SYDE2: variants seen among roughly 807,000 people sequenced by gnomAD.
SYDE2 encodes the protein synapse defective Rho GTPase homolog 2, also known as rho GTPase-activating protein SYDE2.
SYDE2 carries 76 observed loss-of-function variants against 91.5 expected under a neutral mutation model. The ratio of observed to expected loss-of-function variants is 0.83; its 90% CI spans 0.69 to 1.01. SYDE2 has a LOEUF of 1.01. Ranked by LOEUF, SYDE2 falls within the 50% of genes least tolerant of loss-of-function variation. The probability of loss-of-function intolerance (pLI) is 0.00; values close to 1 mark genes in which losing one functional copy is unlikely to be tolerated. For missense variants in SYDE2, 1,364 were observed against 1,367.7 expected (o/e 1.00, Z 0.04); for synonymous variants, 513 against 506.4 (o/e 1.01, Z -0.18).
intron 2 of SYDE2, 37 bp from the exon 3 acceptor site, chr1:85,183,237 T>C (rs1658006678): frequency 6.7e-7 from 1 of 1,484,430 alleles, no homozygotes; most frequent in Admixed American, 2.5e-5. Flanking sequence ...TATAAAGCAA[T>C]ATGTTTTGAT....
intron 2 of SYDE2, among the ~76,000 whole-genome samples, chr1:85,185,491 T>C (rs960433821): frequency 2.6e-5 from 4 of 151,822 alleles, no homozygotes; most frequent in Non-Finnish European, 4.4e-5. Context: ...GAGCAGTGGT[T>C]TGTAGTTCTC....
chr1:85,199,177 C>A (rs1658712551), intron 1 of SYDE2, among the ~76,000 whole-genome samples: 2 of 152,130 alleles, frequency 1.3e-5, no homozygotes, highest in African/African-American at 4.8e-5. Flanking sequence ...ATAATTACTA[C>A]CAGAGAAACC....
At chr1:85,177,356 G>T (rs759060068) in intron 4 of SYDE2, among the ~76,000 whole-genome samples, 2 of 152,222 alleles carry the variant, frequency 1.3e-5, no homozygotes, top group Non-Finnish European at 2.9e-5. Flanking sequence ...AGCTGCAGAT[G>T]AGCAGTTTCA....
intron 1 of SYDE2, among the ~76,000 whole-genome samples, chr1:85,194,368 CTA>C (rs1161013023): frequency 6.7e-6 from 1 of 148,510 alleles, no homozygotes; most frequent in Non-Finnish European, 1.5e-5. Context: ...TCATTGTTGC[CTA>C]TATATTGCCT....
chr1:85,185,037 T>C (rs995801427), intron 2 of SYDE2, among the ~76,000 whole-genome samples: 1 of 151,800 alleles, frequency 6.6e-6, no homozygotes, highest in African/African-American at 2.4e-5. Context: ...TTTCTGCCAA[T>C]ACTGCTAAGA....
Position 85,182,516 on chromosome 1 carries a change from T to A in SYDE2, c.2126A>T (p.Asp709Val). Residue 709 changes from aspartate (D) to valine (V), a missense_variant, in exon 3 of 7, where the codon GAT (aspartate) becomes GTT (valine). Transcript: ENST00000341460. Reference protein sequence around the residue: ...SKDVFCAIQVDSVNKARTALL... With the variant: ...SKDVFCAIQVVSVNKARTALL... ...AGCTGTTCTTGCTTTGTTTACTGAA[T>A]CTACCTGAATTGCACAAAAGACGTC... The A allele has an allele frequency of 6.2e-7, 1 of 1,613,910 alleles. No individual in the cohort carries two copies. The highest frequency in any genetic ancestry group is 1.3e-5 in the African/African-American group (1 of 75,062).
Position 85,182,488 on chromosome 1 carries a change from C to G in SYDE2, c.2154G>C (p.Leu718Phe). ...VDSVNKARTA[L>F]LTCRTTFLDM... is the part of the protein sequence containing the mutation. ...CTAAAAATGTTGTTCGGCATGTGAG[C>G]AAAGCTGTTCTTGCTTTGTTTACTG... The change falls in exon 3 of 7, where the codon TTG (leucine) becomes TTC (phenylalanine). Residue 718 changes from leucine to phenylalanine, a missense_variant. Transcript: ENST00000341460. 6.2e-7 allele frequency: 1 copy of G among 1,613,748 alleles called. No homozygotes were observed. The highest frequency in any genetic ancestry group is 8.5e-7 in the Non-Finnish European group (1 of 1,179,796).
At position 85,186,109 on chromosome 1, in the gene SYDE2, C is replaced by T. The variant is rs534060477; in HGVS notation, c.1442-2909G>A. Reference sequence around the variant, plus strand: ...ATGCTGGATTACATTTATTGATTTGCGTATATTGAACCAGCCTTGCATCCC... The same window carrying T: ...ATGCTGGATTACATTTATTGATTTGTGTATATTGAACCAGCCTTGCATCCC... On this transcript the variant is annotated intron_variant, in intron 2 of 6. Transcript: ENST00000341460. 9.9e-5 allele frequency among the ~76,000 whole-genome samples: 15 copies of T among 151,742 alleles called. 1 individual carries two copies. Among genetic ancestry groups the T allele is most frequent in the Admixed American group, 2.6e-4 (4 of 15,228 alleles).
chr1:85,168,986 G>A, intron 5 of SYDE2, 58 bp downstream of exon 5: 1 of 1,412,050 alleles, frequency 7.1e-7, no homozygotes, highest in Non-Finnish European at 1.0e-6. Context: ...TAGCTCTGGA[G>A]GTAGGTATAC....
intron 2 of SYDE2, among the ~76,000 whole-genome samples, chr1:85,189,733 A>C (rs773381421): frequency 1.3e-5 from 2 of 152,150 alleles, no homozygotes; most frequent in African/African-American, 2.4e-5. Flanking sequence ...CTACTCAGGA[A>C]GCTATGGTGG....
chr1:85,163,782 GGGGTT>G (rs2100646629), intron 6 of SYDE2, among the ~76,000 whole-genome samples: 1 of 152,114 alleles, frequency 6.6e-6, no homozygotes, highest in Admixed American at 6.5e-5. Context: ...GAGAGTAGCA[GGGGTT>G]ACTAAAATCT....
At chr1:85,181,690 C>G in intron 3 of SYDE2, 1 of 153,706 alleles carries the variant, frequency 6.5e-6, no homozygotes, top group East Asian at 1.9e-4. Context: ...ACTTTTCAAC[C>G]AATATTATAA....
chr1:85,183,876 A>T (rs974983169), intron 2 of SYDE2, among the ~76,000 whole-genome samples: 1 of 152,300 alleles, frequency 6.6e-6, no homozygotes, highest in African/African-American at 2.4e-5. Flanking sequence ...ATTATCACAT[A>T]AAAAAACTGA....
At position 85,183,065 on chromosome 1, in the gene SYDE2, A is replaced by G; in HGVS notation, c.1577T>C (p.Val526Ala). 6.2e-7 allele frequency: 1 copy of G among 1,613,686 alleles called. No individual in the cohort carries two copies. The highest frequency in any genetic ancestry group is 1.1e-5 in the South Asian group (1 of 90,984). ...LPDKIKSPRT[V>A]RKLSMKMKKL... ...TTTCATTTTCATGGAAAGTTTCCTC[A>G]CAGTTCGTGGAGATTTTATTTTATC... The change falls in exon 3 of 7, where the codon GTG (valine) becomes GCG (alanine). Residue 526 changes from valine (V) to alanine (A), a missense_variant. Transcript: ENST00000341460.
chr1:85,200,746 C>A lies in SYDE2; in HGVS notation c.251G>T (p.Ser84Ile), dbSNP rs1275165520. Reference sequence around the variant, plus strand: ...CACCCGGAGGCTCTCGAGGCTTCTGCTGCAGGACGGCCGCATCCGAGGAGT... The same window carrying A: ...CACCCGGAGGCTCTCGAGGCTTCTGATGCAGGACGGCCGCATCCGAGGAGT... ...LRTPRMRPSC[S>I]RSLESLRVGA... Residue 84 changes from serine to isoleucine, a missense_variant, in exon 1 of 7, where the codon AGC (serine) becomes ATC (isoleucine). Transcript: ENST00000341460. 4 of 1,531,446 alleles carry A rather than the reference C, an allele frequency of 2.6e-6. No homozygotes were observed. The South Asian group carries it at 4.8e-5, about 18-fold the overall frequency. The allele number at this position is 1,531,446 out of a possible 1,614,324, so 94.9% of individuals were successfully genotyped here.
At chr1:85,178,354 A>G in intron 3 of SYDE2, 82 bp from the exon 4 acceptor site, 2 of 1,283,392 alleles carry the variant, frequency 1.6e-6, no homozygotes, top group South Asian at 1.5e-5. Flanking sequence ...TGAACTTTGC[A>G]ATCAAATATG....
At position 85,200,661 on chromosome 1, in the gene SYDE2, C is replaced by A. The variant is rs61753571; in HGVS notation, c.336G>T (p.Ala112=). The change falls in exon 1 of 7, where the codon GCG becomes GCT. Residue 112 remains alanine, a synonymous_variant. Coordinates refer to ENST00000341460, the MANE Select transcript of SYDE2 (RefSeq NM_032184.2). The part of the protein sequence containing the change: ...WPSDSWIRCG[A]HRDWDEPPPR... ...GCGGGGGCTCGTCCCAGTCCCGGTG[C>A]GCGCCGCACCTGATCCAGCTGTCGC... is the stretch of plus-strand genomic sequence containing the variant. 2.0e-3 allele frequency: 3,088 copies of A among 1,538,602 alleles called. 52 individuals carry two copies. In the African/African-American group the frequency reaches 0.037, roughly 18 times the overall value.
intron 1 of SYDE2, among the ~76,000 whole-genome samples, chr1:85,193,274 C>A (rs956026109): frequency 5.9e-5 from 9 of 152,212 alleles, no homozygotes; most frequent in Admixed American, 2.6e-4. Flanking sequence ...AAGTTCAAAT[C>A]CAGTATTACT....
rs1420518887 is a variant in SYDE2 at position 85,159,022 on chromosome 1, C to CT, written c.3312dup (p.Glu1105ArgfsTer5). 1.3e-6 allele frequency: 1 copy of CT among 780,698 alleles called. No individual in the cohort carries two copies. The highest frequency in any genetic ancestry group is 2.4e-5 in the East Asian group (1 of 41,240). The allele number at this position is 780,698 out of a possible 1,614,324, so 48.4% of individuals were successfully genotyped here. On this transcript the variant is annotated frameshift_variant, in exon 7 of 7. Coordinates refer to ENST00000341460, the MANE Select transcript of SYDE2 (RefSeq NM_032184.2). LOFTEE classifies it high-confidence loss of function. ...TCATAATCCACATCATTTAAATTTT[C>CT]TTTTGTATTTAAAAAGTAGTTTTCC...
Sources: gnomAD v4.1 joint callset for allele counts (sites outside exome capture counted in the v4.1 genomes callset) on GRCh38, gnomAD v4.1.1 for gene constraint, MANE v1.5 for transcripts, NCBI Gene and HGNC (gene_info 2026-07-23, HGNC 2026-07-21) for gene names.